PAN3: variants seen among roughly 807,000 people sequenced by gnomAD.
PAN3 encodes PAN2-PAN3 deadenylation complex subunit PAN3.
Under a neutral mutation model 96.2 loss-of-function variants are expected in PAN3, and 19 were observed. That is an observed-to-expected ratio of 0.20 (90% CI 0.14 to 0.29). The LOEUF (loss-of-function observed/expected upper bound fraction) is 0.29, where lower values mean the gene tolerates loss of function less well. Ranked by LOEUF, PAN3 falls within the 10% of genes least tolerant of loss-of-function variation. The pLI is 1.00. For synonymous variants in PAN3, 433 were observed against 406.6 expected, an observed-to-expected ratio of 1.06 and a Z score of -0.78; for missense variants, 882 against 1,108.1, an observed-to-expected ratio of 0.80 and a Z score of 2.90.
At chr13:28,279,632 C>T (rs1019820652) in intron 15 of PAN3, among the ~76,000 whole-genome samples, 29 of 151,186 alleles carry the variant, frequency 1.9e-4, no homozygotes, top group South Asian at 4.2e-4. Flanking sequence ...TGGTGGCGCA[C>T]GCCTGTAGTC....
At chr13:28,166,014 G>A (rs1367444652) in intron 1 of PAN3, among the ~76,000 whole-genome samples, 6 of 152,106 alleles carry the variant, frequency 3.9e-5, no homozygotes, top group Non-Finnish European at 7.4e-5. Flanking sequence ...TCAGACCATT[G>A]CATTCTGCCC....
chr13:28,234,453 G>GT (rs1312798936), intron 6 of PAN3, among the ~76,000 whole-genome samples: 1 of 152,182 alleles, frequency 6.6e-6, no homozygotes, highest in Admixed American at 6.5e-5. Flanking sequence ...TGGTGTGCAT[G>GT]TGAATGTATA....
chr13:28,257,090 C>T (rs1052229781), intron 7 of PAN3, among the ~76,000 whole-genome samples: 2 of 151,816 alleles, frequency 1.3e-5, no homozygotes, highest in Non-Finnish European at 2.9e-5. Context: ...TTGTAGATGA[C>T]GAAAGAGCTA....
In PAN3 at chr13:28,293,387, G is replaced by GTTTTTTTTTTTTTTTT. The variant is rs71086844; in HGVS notation, c.*879_*894dup. The GTTTTTTTTTTTTTTTT allele has an allele frequency of 2.3e-4, 5 of 21,356 alleles. No individual in the cohort carries two copies. The highest frequency in any genetic ancestry group is 1.0e-3 in the African/African-American group (5 of 4,970). The allele number at this position is 21,356 out of a possible 1,614,324, so 1.3% of individuals were successfully genotyped here. A position where few individuals can be genotyped will look rare whatever the true frequency, so the allele number is the denominator to read the frequency against. On this transcript the variant is annotated 3_prime_UTR_variant, in exon 19 of 19. Coordinates refer to ENST00000380958, the MANE Select transcript of PAN3 (RefSeq NM_175854.8). ...ACTTTAGGTTCTTTCCAGTTTGCTG[G>GTTTTTTTTTTTTTTTT]TTTTTTTTTTTTTTTTTTTTTTTTT...
chr13:28,258,237 C>T, intron 7 of PAN3, among the ~76,000 whole-genome samples: 1 of 152,146 alleles, frequency 6.6e-6, no homozygotes, highest in East Asian at 1.9e-4. Flanking sequence ...AGTTGAGATG[C>T]AGAGCAGAGC....
At chr13:28,206,990 A>C (rs1230169674) in intron 5 of PAN3, among the ~76,000 whole-genome samples, 1 of 152,164 alleles carries the variant, frequency 6.6e-6, no homozygotes, top group Non-Finnish European at 1.5e-5. Context: ...CATAGGACTT[A>C]AAACTCAACC....
intron 5 of PAN3, among the ~76,000 whole-genome samples, chr13:28,211,425 A>G (rs925212276): frequency 6.6e-6 from 1 of 152,204 alleles, no homozygotes; most frequent in East Asian, 1.9e-4. Context: ...AGATGTGGGC[A>G]TTATCAAAAG....
intron 17 of PAN3, 50 bp from the exon 18 acceptor site, chr13:28,287,934 C>A: frequency 6.5e-7 from 1 of 1,528,098 alleles, no homozygotes; most frequent in South Asian, 1.3e-5. Context: ...GACATATGGC[C>A]ACAGACCATA....
Position 28,283,241 on chromosome 13 carries a change from G to T in PAN3, c.2384+1862G>T, listed in dbSNP as rs561215189. Among the ~76,000 whole-genome samples the T allele has an allele frequency of 5.3e-5, 8 of 152,210 alleles. No individual in the cohort carries two copies. In the South Asian group the frequency reaches 1.7e-3, roughly 32 times the overall value. Reference sequence around the variant, plus strand: ...TTTTTGTATTTTTGGTAGAGACAGGGTTTCACCATGTTGTCCAAGCTGGTC... The same window carrying T: ...TTTTTGTATTTTTGGTAGAGACAGGTTTTCACCATGTTGTCCAAGCTGGTC... On this transcript the variant is annotated intron_variant, in intron 17 of 18. Coordinates refer to ENST00000380958, the MANE Select transcript of PAN3 (RefSeq NM_175854.8).
rs560549468 is a variant in PAN3 at position 28,252,116 on chromosome 13, G to C, written c.1001-4176G>C. Reference sequence around the variant, plus strand: ...TTGGCCAGGCTGGTTTTGAACTCCTGACCTCAGGTGGCCTGCCTGCCTCAG... The same window carrying C: ...TTGGCCAGGCTGGTTTTGAACTCCTCACCTCAGGTGGCCTGCCTGCCTCAG... On this transcript the variant is annotated intron_variant, in intron 6 of 18. Transcript: ENST00000380958. Among the ~76,000 whole-genome samples, 5 of 151,160 alleles carry C rather than the reference G, an allele frequency of 3.3e-5. No homozygotes were observed. In the East Asian group the frequency reaches 9.7e-4, roughly 29 times the overall value.
chr13:28,209,821 A>G (rs1879818024), intron 5 of PAN3, among the ~76,000 whole-genome samples: 1 of 150,214 alleles, frequency 6.7e-6, no homozygotes, highest in African/African-American at 2.5e-5. Flanking sequence ...TTCTCCTTTT[A>G]CCACTCTGGA....
At chr13:28,245,796 C>T (rs1884128456) in intron 6 of PAN3, among the ~76,000 whole-genome samples, 1 of 152,096 alleles carries the variant, frequency 6.6e-6, no homozygotes, top group South Asian at 2.1e-4. Flanking sequence ...TTATGTCTAG[C>T]CTCTTTCAGC....
chr13:28,151,357 T>C (rs2137969957), intron 1 of PAN3, among the ~76,000 whole-genome samples: 1 of 151,864 alleles, frequency 6.6e-6, no homozygotes, highest in Non-Finnish European at 1.5e-5. Flanking sequence ...CTACTAAAAA[T>C]ACAAAAAATT....
At chr13:28,290,862 G>T (rs1482086023) in intron 18 of PAN3, among the ~76,000 whole-genome samples, 2 of 152,064 alleles carry the variant, frequency 1.3e-5, no homozygotes, top group Non-Finnish European at 2.9e-5. Flanking sequence ...TTAAAAATAC[G>T]TAGAACCAGA....
chr13:28,212,961 A>G (rs747188100), intron 5 of PAN3, among the ~76,000 whole-genome samples: 1 of 152,196 alleles, frequency 6.6e-6, no homozygotes, highest in African/African-American at 2.4e-5. Context: ...CAAGGTGTCC[A>G]GTGAACCACA....
At chr13:28,243,024 C>T (rs1443589465) in intron 6 of PAN3, among the ~76,000 whole-genome samples, 2 of 152,110 alleles carry the variant, frequency 1.3e-5, no homozygotes, top group African/African-American at 4.8e-5. Flanking sequence ...TTTGGTCACC[C>T]TGATAAACTC....
intron 14 of PAN3, among the ~76,000 whole-genome samples, chr13:28,273,969 C>T (rs1430087241): frequency 1.3e-5 from 2 of 152,310 alleles, no homozygotes; most frequent in South Asian, 4.2e-4. Context: ...TATTTCAGTT[C>T]ATGCATAAAT....
chr13:28,188,550 A>G (rs753434297), intron 4 of PAN3, among the ~76,000 whole-genome samples: 4 of 152,122 alleles, frequency 2.6e-5, no homozygotes, highest in Non-Finnish European at 5.9e-5. Context: ...GCAATTAGCT[A>G]TAGTTGGGCC....
At chr13:28,190,116 G>A (rs1206585070) in intron 4 of PAN3, among the ~76,000 whole-genome samples, 1 of 151,938 alleles carries the variant, frequency 6.6e-6, no homozygotes. Context: ...GCTAATTTTT[G>A]TATTTTTTGG....
Sources: gnomAD v4.1 joint callset for allele counts (sites outside exome capture counted in the v4.1 genomes callset) on GRCh38, gnomAD v4.1.1 for gene constraint, MANE v1.5 for transcripts, NCBI Gene and HGNC (gene_info 2026-07-23, HGNC 2026-07-21) for gene names.